Variants in PCDH15 observed in about 807,000 individuals in gnomAD.
PCDH15 encodes protocadherin related 15, also known as protocadherin-15.
In PCDH15, 129 loss-of-function variants were observed where a neutral mutation model predicts 178.5. The ratio of observed to expected loss-of-function variants is 0.72; its 90% confidence interval spans 0.63 to 0.84. The LOEUF is 0.84. PCDH15 is among the 40% of genes least tolerant of loss of function. The pLI is 0.00. For synonymous variants in PCDH15, 800 were observed against 732.0 expected, an observed-to-expected ratio of 1.09 and a Z score of -1.50; for missense variants, 2,230 against 2,099.9, an observed-to-expected ratio of 1.06 and a Z score of -1.21.
intron 25 of PCDH15, among the ~76,000 whole-genome samples, chr10:53,923,864 T>G: frequency 6.6e-6 from 1 of 152,242 alleles, no homozygotes. Context: ...TCTTTTCCTC[T>G]CATTCACTAA....
At chr10:55,027,788 T>C (rs1840512505) in intron 2 of PCDH15, among the ~76,000 whole-genome samples, 2 of 151,862 alleles carry the variant, frequency 1.3e-5, no homozygotes, top group African/African-American at 4.8e-5. Context: ...TCATTTACCA[T>C]AGCACGTGTA....
chr10:54,736,583 C>T (rs974535430), intron 1 of PCDH15, among the ~76,000 whole-genome samples: 5 of 152,016 alleles, frequency 3.3e-5, no homozygotes, highest in Admixed American at 1.3e-4. Context: ...TTCTTCATCT[C>T]GGCAAAAGGA....
chr10:55,095,565 GTT>G (rs1159239151), intron 2 of PCDH15, among the ~76,000 whole-genome samples: 1 of 151,950 alleles, frequency 6.6e-6, no homozygotes, highest in Non-Finnish European at 1.5e-5. Context: ...GCTGTTGCAA[GTT>G]TAGATATTGT....
chr10:54,289,772 C>A (rs1319962732), intron 8 of PCDH15, among the ~76,000 whole-genome samples: 1 of 151,828 alleles, frequency 6.6e-6, no homozygotes, highest in Non-Finnish European at 1.5e-5. Flanking sequence ...ATGGCCAATT[C>A]GATCAAGTGA....
At chr10:54,878,007 G>A (rs1241562248) in intron 3 of PCDH15, among the ~76,000 whole-genome samples, 2 of 130,626 alleles carry the variant, frequency 1.5e-5, no homozygotes, top group Non-Finnish European at 3.1e-5. Context: ...CTGTTGCCTA[G>A]GCTGGAGTGC....
chr10:54,171,067 C>G (rs898427190), intron 13 of PCDH15, among the ~76,000 whole-genome samples: 10 of 152,090 alleles, frequency 6.6e-5, no homozygotes, highest in Non-Finnish European at 7.3e-5. Context: ...GAGGCCTTTC[C>G]TACAGGGTCT....
chr10:54,625,624 C>T (rs1002984976), intron 2 of PCDH15, among the ~76,000 whole-genome samples: 10 of 152,170 alleles, frequency 6.6e-5, no homozygotes, highest in Non-Finnish European at 1.5e-4. Flanking sequence ...TGCCTTCCAC[C>T]ATGATTGTGA....
intron 20 of PCDH15, among the ~76,000 whole-genome samples, chr10:54,016,694 C>A (rs750588769): frequency 6.6e-6 from 1 of 152,116 alleles, no homozygotes; most frequent in Non-Finnish European, 1.5e-5. Flanking sequence ...TACATAGGGA[C>A]ACAAAGATGG....
At chr10:54,041,655 A>G (rs2093549232) in intron 18 of PCDH15, among the ~76,000 whole-genome samples, 1 of 152,110 alleles carries the variant, frequency 6.6e-6, no homozygotes, top group South Asian at 2.1e-4. Context: ...TTACGAAAAT[A>G]AACAACTTCA....
chr10:54,017,932 T>C (rs1025293467), intron 20 of PCDH15, among the ~76,000 whole-genome samples: 3 of 152,122 alleles, frequency 2.0e-5, no homozygotes, highest in African/African-American at 7.2e-5. Context: ...ATTAACCTAC[T>C]GGAAAAATAC....
chr10:54,182,986 T>G (rs926783973), intron 13 of PCDH15, among the ~76,000 whole-genome samples: 1 of 117,352 alleles, frequency 8.5e-6, no homozygotes, highest in Non-Finnish European at 1.8e-5. Context: ...TGTTTTTGTT[T>G]TTGTTTTTTT....
intron 2 of PCDH15, among the ~76,000 whole-genome samples, chr10:55,383,021 T>C (rs1837574015): frequency 6.6e-6 from 1 of 152,158 alleles, no homozygotes; most frequent in Non-Finnish European, 1.5e-5. Context: ...TTACATACTA[T>C]CCTGTTGGTA....
chr10:55,437,527 A>G (rs920016771), intron 2 of PCDH15, among the ~76,000 whole-genome samples: 2 of 152,200 alleles, frequency 1.3e-5, no homozygotes, highest in African/African-American at 4.8e-5. Context: ...AAGAAGGCTA[A>G]TAAAGAAAAA....
At chr10:54,162,635 C>A (rs1477241860) in intron 13 of PCDH15, among the ~76,000 whole-genome samples, 1 of 152,266 alleles carries the variant, frequency 6.6e-6, no homozygotes, top group South Asian at 2.1e-4. Context: ...GAGAATTGCA[C>A]AGATTTGGCA....
chr10:55,611,790 A>G (rs1441260196), intron 2 of PCDH15, among the ~76,000 whole-genome samples: 8 of 152,020 alleles, frequency 5.3e-5, no homozygotes, highest in Non-Finnish European at 1.2e-4. Flanking sequence ...AAAGGAAATT[A>G]TATATACATA....
intron 1 of PCDH15, among the ~76,000 whole-genome samples, chr10:54,774,918 A>AT (rs1949529275): frequency 6.6e-6 from 1 of 151,938 alleles, no homozygotes; most frequent in Non-Finnish European, 1.5e-5. Context: ...AAGAAAAAAA[A>AT]GTGCTTTTTT....
At chr10:55,249,012 G>A (rs1167482237) in intron 1 of PCDH15, among the ~76,000 whole-genome samples, 2 of 152,166 alleles carry the variant, frequency 1.3e-5, no homozygotes. Context: ...TAAAGACAAT[G>A]TGGGCATGTC....
intron 3 of PCDH15, among the ~76,000 whole-genome samples, chr10:54,381,178 A>G (rs1949191586): frequency 1.3e-5 from 2 of 152,048 alleles, no homozygotes; most frequent in African/African-American, 4.8e-5. Context: ...AGCAATATAC[A>G]TATTTTTTAA....
intron 3 of PCDH15, among the ~76,000 whole-genome samples, chr10:54,428,122 C>G (rs1589361612): frequency 6.6e-6 from 1 of 152,322 alleles, no homozygotes; most frequent in East Asian, 1.9e-4. Context: ...ATCCCACACT[C>G]ATAGGGGATA....
Sources: allele counts gnomAD v4.1 joint callset (sites outside exome capture counted in the v4.1 genomes callset), GRCh38; gene constraint gnomAD v4.1.1; transcripts MANE v1.5; gene names NCBI Gene and HGNC (gene_info 2026-07-23, HGNC 2026-07-21).